Variants in SMOC2 observed in about 807,000 individuals in gnomAD.
SMOC2 encodes the protein SPARC-related modular calcium-binding protein 2.
A neutral mutation model predicts 61.4 loss-of-function variants in SMOC2; 39 were observed. The ratio of observed to expected loss-of-function variants is 0.64; its 90% CI spans 0.49 to 0.83. The LOEUF is 0.83. Ranked by LOEUF, SMOC2 falls within the 40% of genes least tolerant of loss-of-function variation. The probability of loss-of-function intolerance (pLI) is 0.00; values close to 1 mark genes in which losing one functional copy is unlikely to be tolerated. For missense variants in SMOC2, 556 were observed against 592.9 expected (o/e 0.94, Z 0.65); for synonymous variants, 247 against 239.9 (o/e 1.03, Z -0.27).
At chr6:168,571,327 G>A (rs544692995) in intron 7 of SMOC2, among the ~76,000 whole-genome samples, 1 of 152,328 alleles carries the variant, frequency 6.6e-6, no homozygotes, top group Admixed American at 6.5e-5. Context: ...ACTGTATTCT[G>A]TTACGCAGTG....
intron 9 of SMOC2, among the ~76,000 whole-genome samples, chr6:168,610,688 C>T (rs1360180908): frequency 6.6e-6 from 1 of 152,178 alleles, no homozygotes. Flanking sequence ...TCACCAAATA[C>T]TTATTCACAT....
At chr6:168,518,734 T>C (rs1445647776) in intron 2 of SMOC2, among the ~76,000 whole-genome samples, 1 of 150,294 alleles carries the variant, frequency 6.7e-6, no homozygotes, top group East Asian at 2.0e-4. Flanking sequence ...TGAGTGTGCA[T>C]GTGTGTGAAT....
At chr6:168,473,315 TCCAGGCACA>T (rs889549715) in intron 1 of SMOC2, among the ~76,000 whole-genome samples, 1 of 152,176 alleles carries the variant, frequency 6.6e-6, no homozygotes, top group African/African-American at 2.4e-5. Context: ...GTTCAAGCCC[TCCAGGCACA>T]GCAGGGACTG....
At chr6:168,477,956 CT>C (rs1782128219) in intron 1 of SMOC2, among the ~76,000 whole-genome samples, 1 of 152,198 alleles carries the variant, frequency 6.6e-6, no homozygotes, top group Non-Finnish European at 1.5e-5. Context: ...CAGGAGAAAA[CT>C]GCTCATAAAG....
intron 11 of SMOC2, among the ~76,000 whole-genome samples, chr6:168,661,627 A>G (rs1787511660): frequency 6.6e-6 from 1 of 152,142 alleles, no homozygotes; most frequent in Admixed American, 6.5e-5. Context: ...AAAGAATATT[A>G]GTTTTTTTTT....
intron 6 of SMOC2, among the ~76,000 whole-genome samples, chr6:168,548,842 G>C (rs1033654439): frequency 3.3e-5 from 5 of 151,998 alleles, no homozygotes; most frequent in African/African-American, 4.8e-5. Context: ...TTGTACACTG[G>C]GTATTTTTCT....
chr6:168,527,717 C>T lies in SMOC2; in HGVS notation c.453C>T (p.Pro151=). ...ISGTAVAHKT[P]RCPGSVNEKL... is the part of the protein sequence containing the mutation. ...GCACTGCCGTGGCCCACAAGACGCC[C>T]CGGTGCCCGGGTAGGTCTGACGTGC... is the stretch of plus-strand genomic sequence containing the variant. Residue 151 remains proline (P), a synonymous_variant, in exon 4 of 13, where the codon CCC becomes CCT. Transcript: ENST00000356284. 6.4e-7 allele frequency: 1 copy of T among 1,550,702 alleles called. No individual in the cohort carries two copies. Among genetic ancestry groups the T allele is most frequent in the East Asian group, 2.4e-5 (1 of 40,992 alleles).
chr6:168,547,275 G>A, intron 6 of SMOC2, 106 bp downstream of exon 6: 1 of 929,832 alleles, frequency 1.1e-6, no homozygotes. Flanking sequence ...CGTTCAGTAT[G>A]GAGTGTAACA....
At chr6:168,630,337 A>G (rs1022731362) in intron 9 of SMOC2, among the ~76,000 whole-genome samples, 4 of 152,208 alleles carry the variant, frequency 2.6e-5, no homozygotes, top group Admixed American at 2.6e-4. Context: ...CCAAATTAAT[A>G]CTTTTATAAT....
chr6:168,631,419 C>T (rs968080248), intron 9 of SMOC2, among the ~76,000 whole-genome samples: 3 of 152,140 alleles, frequency 2.0e-5, no homozygotes, highest in Non-Finnish European at 4.4e-5. Flanking sequence ...AGGAAAGGTT[C>T]GGCTCTGCAG....
chr6:168,471,190 G>C (rs1009770985), intron 1 of SMOC2, among the ~76,000 whole-genome samples: 7 of 150,878 alleles, frequency 4.6e-5, no homozygotes, highest in African/African-American at 1.7e-4. Flanking sequence ...TTTTTCAACT[G>C]GCAAAACCGA....
At chr6:168,539,139 G>A (rs1012316858) in intron 4 of SMOC2, among the ~76,000 whole-genome samples, 2 of 152,138 alleles carry the variant, frequency 1.3e-5, no homozygotes, top group African/African-American at 4.8e-5. Flanking sequence ...CAGTCTTCAT[G>A]CTGACTGAAG....
chr6:168,607,572 G>A, intron 8 of SMOC2, among the ~76,000 whole-genome samples: 1 of 142,788 alleles, frequency 7.0e-6, no homozygotes, highest in East Asian at 2.0e-4. Flanking sequence ...ATGCTAAGTG[G>A]GACCAGAGAG....
chr6:168,574,797 G>T (rs1002190005), intron 7 of SMOC2, among the ~76,000 whole-genome samples: 1 of 152,172 alleles, frequency 6.6e-6, no homozygotes, highest in Non-Finnish European at 1.5e-5. Context: ...AGACAGCCAG[G>T]AGGGCCCTCC....
intron 7 of SMOC2, among the ~76,000 whole-genome samples, chr6:168,578,169 G>A (rs1784849228): frequency 2.0e-5 from 3 of 152,196 alleles, no homozygotes; most frequent in Non-Finnish European, 4.4e-5. Context: ...GCAGCTCCAG[G>A]TGGCAGGAAG....
At chr6:168,451,068 G>C (rs1781449548) in intron 1 of SMOC2, among the ~76,000 whole-genome samples, 1 of 152,124 alleles carries the variant, frequency 6.6e-6, no homozygotes, top group South Asian at 2.1e-4. Context: ...CAAGCAATGG[G>C]TGTGGCTAGA....
chr6:168,466,140 G>T (rs1583036262), intron 1 of SMOC2, among the ~76,000 whole-genome samples: 1 of 151,272 alleles, frequency 6.6e-6, no homozygotes, highest in African/African-American at 2.4e-5. Context: ...TACTCTGAGA[G>T]CTGGAACTGG....
chr6:168,521,270 T>C (rs1446589629), intron 2 of SMOC2, among the ~76,000 whole-genome samples: 2 of 152,156 alleles, frequency 1.3e-5, no homozygotes, highest in Non-Finnish European at 2.9e-5. Flanking sequence ...TGCCTCAGCC[T>C]CCTGAGTAGC....
At chr6:168,492,874 T>A (rs76046487) in intron 1 of SMOC2, among the ~76,000 whole-genome samples, 1 of 152,202 alleles carries the variant, frequency 6.6e-6, no homozygotes, top group South Asian at 2.1e-4. Flanking sequence ...CTTCCTTGTG[T>A]TGTAGGTTTG....
Sources: gnomAD v4.1 joint callset for allele counts (sites outside exome capture counted in the v4.1 genomes callset) on GRCh38, gnomAD v4.1.1 for gene constraint, MANE v1.5 for transcripts, NCBI Gene and HGNC (gene_info 2026-07-23, HGNC 2026-07-21) for gene names.